ZNF365: variants seen among roughly 807,000 people sequenced by gnomAD.
The protein encoded by ZNF365 is protein ZNF365.
In ZNF365, 22 loss-of-function variants were observed where a neutral mutation model predicts 35.0. That is an observed-to-expected ratio of 0.63 (90% CI 0.45 to 0.90). The LOEUF (loss-of-function observed/expected upper bound fraction) is 0.90. Among genes scored for constraint, ZNF365 ranks in the 40% least tolerant of loss-of-function variants. The pLI is 0.00. For synonymous variants in ZNF365, 188 were observed against 196.2 expected (o/e 0.96, Z 0.35); for missense variants, 448 against 500.3 (o/e 0.90, Z 1.00).
intron 3 of ZNF365, among the ~76,000 whole-genome samples, chr10:62,397,867 T>C (rs888874255): frequency 1.2e-4 from 19 of 152,366 alleles, no homozygotes; most frequent in African/African-American, 4.3e-4. Context: ...TCATGGCAGA[T>C]CATTTCAAGT....
intron 3 of ZNF365, among the ~76,000 whole-genome samples, chr10:62,397,645 T>C (rs1839753635): frequency 2.0e-5 from 3 of 152,210 alleles, no homozygotes; most frequent in African/African-American, 7.2e-5. Flanking sequence ...TGCATGCAGA[T>C]ATTTTATTGC....
At chr10:62,423,437 G>A (rs191283309) in intron 3 of ZNF365, among the ~76,000 whole-genome samples, 363 of 152,274 alleles carry the variant, frequency 2.4e-3, no homozygotes, top group African/African-American at 8.4e-3. Context: ...CAGCAATTCA[G>A]ACTTGGACAG....
chr10:62,401,140 A>G lies in ZNF365; in HGVS notation c.*1351A>G, dbSNP rs1205759308. ...TGTCCACAAATATATACATATATAC[A>G]TATATATAACACATACAAAATATAT... On this transcript the variant is annotated 3_prime_UTR_variant, in exon 5 of 5. Coordinates refer to ENST00000395254, the MANE Select transcript of ZNF365 (RefSeq NM_014951.3). 4.2e-6 allele frequency: 4 copies of G among 961,648 alleles called. No individual in the cohort carries two copies. The highest frequency in any genetic ancestry group is 1.8e-5 in the African/African-American group (1 of 56,708). The allele number at this position is 961,648 out of a possible 1,614,324, so 59.6% of individuals were successfully genotyped here.
chr10:62,404,970 G>A (rs1589438718), downstream of ZNF365, among the ~76,000 whole-genome samples: 1 of 152,176 alleles, frequency 6.6e-6, no homozygotes, highest in Non-Finnish European at 1.5e-5. Context: ...GGCTGAGGAG[G>A]TACAATTTTC....
chr10:62,413,840 C>T (rs778713933), intron 3 of ZNF365, among the ~76,000 whole-genome samples: 6 of 152,288 alleles, frequency 3.9e-5, no homozygotes, highest in Non-Finnish European at 7.4e-5. Flanking sequence ...TCACCATCCT[C>T]TATCAAAACT....
rs1024684747 is a variant in ZNF365, at chr10:62,473,459, G to A, written c.982-6417G>A. On this transcript the variant is annotated intron_variant, in intron 4 of 4. Coordinates refer to the ZNF365 transcript ENST00000395255. ...GCTCCTGTTTGTTAATCTGAGAGGC[G>A]CCTAGTATCCTGGTTATGAGTTTCG... 5.3e-5 allele frequency among the ~76,000 whole-genome samples: 8 copies of A among 152,130 alleles called. No individual in the cohort carries two copies. The South Asian group carries it at 8.3e-4, about 16-fold the overall frequency.
chr10:62,417,927 C>A (rs937921215), intron 3 of ZNF365, among the ~76,000 whole-genome samples: 3 of 151,796 alleles, frequency 2.0e-5, no homozygotes, highest in Non-Finnish European at 2.9e-5. Context: ...AAACTAAAAC[C>A]TAATAAAAAT....
chr10:62,477,388 A>T (rs886615939), intron 4 of ZNF365, among the ~76,000 whole-genome samples: 1 of 152,258 alleles, frequency 6.6e-6, no homozygotes, highest in Non-Finnish European at 1.5e-5. Flanking sequence ...GAAAAACTAC[A>T]TGCTAGATAA....
intron 3 of ZNF365, among the ~76,000 whole-genome samples, chr10:62,416,659 G>A (rs78875404): frequency 0.016 from 2,457 of 152,138 alleles, 61 homozygotes; most frequent in East Asian, 0.085. Flanking sequence ...TACAGGTTGA[G>A]CCTCCCTTTT....
intron 3 of ZNF365, among the ~76,000 whole-genome samples, chr10:62,426,971 A>C (rs1840259441): frequency 6.6e-6 from 1 of 152,182 alleles, no homozygotes; most frequent in African/African-American, 2.4e-5. Flanking sequence ...AAGACATCGT[A>C]ATAACAGTCA....
At chr10:62,414,174 T>C (rs995138391) in intron 3 of ZNF365, among the ~76,000 whole-genome samples, 5 of 152,078 alleles carry the variant, frequency 3.3e-5, no homozygotes, top group Non-Finnish European at 7.4e-5. Flanking sequence ...AAGTGAACTG[T>C]AAATGAAGCT....
chr10:62,468,294 TATATATG>T (rs1163712778), intron 4 of ZNF365, among the ~76,000 whole-genome samples: 4 of 152,324 alleles, frequency 2.6e-5, no homozygotes, highest in African/African-American at 9.6e-5. Context: ...TGTGAGAACT[TATATATG>T]TATGTATGTA....
At chr10:62,446,536 T>C (rs1840592081) in intron 3 of ZNF365, among the ~76,000 whole-genome samples, 1 of 152,210 alleles carries the variant, frequency 6.6e-6, no homozygotes, top group African/African-American at 2.4e-5. Flanking sequence ...CTTAAATTTA[T>C]ATTTATAACT....
intron 3 of ZNF365, among the ~76,000 whole-genome samples, chr10:62,432,828 A>G (rs1004177196): frequency 6.6e-6 from 1 of 152,232 alleles, no homozygotes; most frequent in African/African-American, 2.4e-5. Flanking sequence ...GATGAAAATC[A>G]GGAAGAAGAC....
At chr10:62,443,124 G>T (rs1017696143) in intron 3 of ZNF365, among the ~76,000 whole-genome samples, 3 of 152,212 alleles carry the variant, frequency 2.0e-5, no homozygotes, top group African/African-American at 7.2e-5. Flanking sequence ...ACCAGTGCCC[G>T]TGATGACCTT....
Position 62,479,802 on chromosome 10 carries a change from T to G in ZNF365, c.982-74T>G. 2.8e-6 allele frequency: 3 copies of G among 1,079,836 alleles called. No homozygotes were observed. In the South Asian group the frequency reaches 3.8e-5, roughly 14 times the overall value. 66.9% of individuals were successfully genotyped at this position (1,079,836 alleles called of 1,614,324 possible). A position where few individuals can be genotyped will look rare whatever the true frequency, so the allele number is the denominator to read the frequency against. ...AGGACCCATGGTTGAAACCACTTCT[T>G]TTTTTGACTATTGTTGCTGGCACCT... On this transcript the variant is annotated intron_variant, in intron 4 of 4. Transcript: ENST00000395255.
intron 3 of ZNF365, among the ~76,000 whole-genome samples, chr10:62,420,073 T>C (rs996162992): frequency 6.6e-6 from 1 of 152,200 alleles, no homozygotes; most frequent in Non-Finnish European, 1.5e-5. Flanking sequence ...TATGTTAATT[T>C]ATTTTATAAC....
rs781556841 is a variant in ZNF365, at chr10:62,399,634, A to T, written c.1069A>T (p.Met357Leu). The T allele has an allele frequency of 1.9e-6, 3 of 1,614,226 alleles. No homozygotes were observed. Among genetic ancestry groups the T allele is most frequent in the Non-Finnish European group, 2.5e-6 (3 of 1,180,040 alleles). ...AAAGGCCAAGGATGACAGAGCCAGC[A>T]TGCAGCCTGCCAAGGCCATTCACGA... Reference protein sequence around the residue: ...LKKAKDDRASMQPAKAIHEQA... With the variant: ...LKKAKDDRASLQPAKAIHEQA... The change falls in exon 5 of 5, where the codon ATG (methionine) becomes TTG (leucine). Residue 357 changes from methionine (M) to leucine (L), a missense_variant. Physicochemically the swap from Met to Leu is conservative, Grantham distance 15 (BLOSUM62 2). Around this residue, in one of 3 missense-constraint regions of ZNF365, gnomAD observed 362 missense variants for 375.7 expected, o/e 0.96. Coordinates refer to ENST00000395254, the MANE Select transcript of ZNF365 (RefSeq NM_014951.3).
intron 3 of ZNF365, among the ~76,000 whole-genome samples, chr10:62,429,079 C>T (rs574846759): frequency 7.9e-4 from 120 of 152,020 alleles, no homozygotes; most frequent in Non-Finnish European, 1.5e-3. Context: ...TGGCCTCTAT[C>T]TCCAACTAGA....
Sources: allele counts gnomAD v4.1 joint callset (sites outside exome capture counted in the v4.1 genomes callset), GRCh38; gene constraint gnomAD v4.1.1; regional missense constraint gnomAD v4.1.1; transcripts MANE v1.5; gene names NCBI Gene and HGNC (gene_info 2026-07-23, HGNC 2026-07-21).